Variants in TTC28 observed in about 807,000 individuals in gnomAD.
TTC28 encodes tetratricopeptide repeat protein 28.
A neutral mutation model predicts 198.0 loss-of-function variants in TTC28; 61 were observed. That is an observed-to-expected ratio of 0.31 (90% CI 0.25 to 0.38). The LOEUF (loss-of-function observed/expected upper bound fraction) is 0.38, where lower values mean the gene tolerates loss of function less well. TTC28 is among the 10% of genes least tolerant of loss of function. The probability of loss-of-function intolerance (pLI) is 1.00; values close to 1 mark genes in which losing one functional copy is unlikely to be tolerated. For missense variants in TTC28, 2,678 were observed against 3,164.0 expected (o/e 0.85, Z 3.69); for synonymous variants, 1,171 against 1,297.8 (o/e 0.90, Z 2.10).
At chr22:28,058,895 T>A (rs574903503) in intron 12 of TTC28, among the ~76,000 whole-genome samples, 1 of 152,208 alleles carries the variant, frequency 6.6e-6, no homozygotes, top group South Asian at 2.1e-4. Flanking sequence ...TAGAAAGTTG[T>A]TCATAGTATT....
intron 2 of TTC28, among the ~76,000 whole-genome samples, chr22:28,322,723 T>C (rs889707261): frequency 6.6e-6 from 1 of 152,222 alleles, no homozygotes; most frequent in Non-Finnish European, 1.5e-5. Flanking sequence ...ATCACAAAGT[T>C]AGTAGCTTAA....
chr22:28,165,048 T>C lies in TTC28; in HGVS notation c.934-1449A>G, dbSNP rs571429329. On this transcript the variant is annotated intron_variant, in intron 5 of 22. Coordinates refer to ENST00000397906, the MANE Select transcript of TTC28 (RefSeq NM_001145418.2). ...TGATGAATGCACAAGCCTCAGTAGC[T>C]GATGCGATCAACTGGAAGAAAGGGT... is the stretch of plus-strand genomic sequence containing the variant. Among the ~76,000 whole-genome samples, 33 of 152,238 alleles carry C rather than the reference T, an allele frequency of 2.2e-4. 1 individual carries two copies. In the East Asian group the frequency reaches 2.3e-3, roughly 11 times the overall value.
At chr22:28,235,754 C>T (rs947661156) in intron 5 of TTC28, among the ~76,000 whole-genome samples, 2 of 152,186 alleles carry the variant, frequency 1.3e-5, no homozygotes, top group African/African-American at 4.8e-5. Flanking sequence ...AAATTAGATC[C>T]ATACCTCCTA....
intron 2 of TTC28, among the ~76,000 whole-genome samples, chr22:28,402,536 T>A (rs2046932066): frequency 6.6e-6 from 1 of 152,238 alleles, no homozygotes; most frequent in Non-Finnish European, 1.5e-5. Context: ...TACCTTAAAA[T>A]TTTTAGGCCC....
At chr22:28,284,232 A>G (rs1440903191) in intron 5 of TTC28, among the ~76,000 whole-genome samples, 3 of 152,196 alleles carry the variant, frequency 2.0e-5, no homozygotes, top group African/African-American at 7.2e-5. Flanking sequence ...GGATGAGATT[A>G]TTAAAATAAA....
rs536194343 is a variant in TTC28 at position 28,622,642 on chromosome 22, G to A, written c.381+6910C>T. 2.6e-5 allele frequency among the ~76,000 whole-genome samples: 4 copies of A among 152,064 alleles called. No individual in the cohort carries two copies. In the South Asian group the frequency reaches 8.3e-4, roughly 32 times the overall value. ...GCATTAAAAATAAATGAAGAAAAAAGTCCAATTTTGGCAGAAATTGACAAG... is the reference window on the plus strand; with the variant it reads ...GCATTAAAAATAAATGAAGAAAAAAATCCAATTTTGGCAGAAATTGACAAG... On this transcript the variant is annotated intron_variant, in intron 2 of 22. Coordinates refer to ENST00000397906, the MANE Select transcript of TTC28 (RefSeq NM_001145418.2).
intron 5 of TTC28, among the ~76,000 whole-genome samples, chr22:28,177,632 A>G (rs1158145073): frequency 6.6e-6 from 1 of 152,250 alleles, no homozygotes; most frequent in African/African-American, 2.4e-5. Context: ...GAATGGAGAA[A>G]TAAACTGTGG....
At chr22:28,570,784 A>G (rs1448944825) in intron 2 of TTC28, among the ~76,000 whole-genome samples, 1 of 152,230 alleles carries the variant, frequency 6.6e-6, no homozygotes, top group Admixed American at 6.5e-5. Flanking sequence ...CAGTAAAAGC[A>G]TATGGAAGGT....
chr22:28,002,600 T>C (rs1937751585), intron 14 of TTC28: 1 of 151,642 alleles, frequency 6.6e-6, no homozygotes, highest in Non-Finnish European at 1.5e-5. Context: ...TGTAAACCCA[T>C]ATGGTTTTTT....
chr22:28,345,778 G>A (rs2045894628), intron 2 of TTC28, among the ~76,000 whole-genome samples: 1 of 152,110 alleles, frequency 6.6e-6, no homozygotes, highest in African/African-American at 2.4e-5. Flanking sequence ...TGAAATTACA[G>A]GGCTTGAAGG....
At chr22:28,018,817 G>A (rs1000561577) in intron 13 of TTC28, among the ~76,000 whole-genome samples, 13 of 152,178 alleles carry the variant, frequency 8.5e-5, no homozygotes, top group Non-Finnish European at 1.3e-4. Context: ...TGTCAAGCTG[G>A]GACTCAGAGG....
chr22:28,230,410 A>G (rs1490120807), intron 5 of TTC28, among the ~76,000 whole-genome samples: 2 of 152,220 alleles, frequency 1.3e-5, no homozygotes, highest in African/African-American at 4.8e-5. Context: ...AGAGATCCAG[A>G]TGAGACTTGT....
At chr22:28,409,000 G>A (rs1467888087) in intron 2 of TTC28, among the ~76,000 whole-genome samples, 1 of 152,210 alleles carries the variant, frequency 6.6e-6, no homozygotes, top group South Asian at 2.1e-4. Context: ...GCAGCATAGA[G>A]GAATCAGTTC....
chr22:28,076,158 T>G (rs575872829), intron 12 of TTC28, among the ~76,000 whole-genome samples: 4 of 152,224 alleles, frequency 2.6e-5, no homozygotes, highest in Non-Finnish European at 5.9e-5. Flanking sequence ...ACACTTGTCT[T>G]GCAAAGTAAA....
At chr22:28,631,027 G>A (rs2051164879) in intron 1 of TTC28, among the ~76,000 whole-genome samples, 1 of 152,160 alleles carries the variant, frequency 6.6e-6, no homozygotes. Flanking sequence ...GCTGAAGCAG[G>A]AGGATCACTT....
chr22:28,400,882 A>G (rs1249344856), intron 2 of TTC28, among the ~76,000 whole-genome samples: 1 of 152,206 alleles, frequency 6.6e-6, no homozygotes, highest in Non-Finnish European at 1.5e-5. Context: ...AAGAAATCCA[A>G]CAAGAGTCCA....
At chr22:28,152,458 G>A (rs1250652732) in intron 6 of TTC28, among the ~76,000 whole-genome samples, 2 of 152,168 alleles carry the variant, frequency 1.3e-5, no homozygotes, top group Non-Finnish European at 2.9e-5. Flanking sequence ...GGAAAGATCT[G>A]TGGACTTGGA....
At chr22:28,481,599 A>C (rs911009093) in intron 2 of TTC28, among the ~76,000 whole-genome samples, 7 of 152,242 alleles carry the variant, frequency 4.6e-5, no homozygotes, top group African/African-American at 1.7e-4. Flanking sequence ...AAGCCCAACA[A>C]AGTTACAGAA....
chr22:28,286,797 T>G (rs1174710807), intron 5 of TTC28, among the ~76,000 whole-genome samples: 1 of 151,834 alleles, frequency 6.6e-6, no homozygotes, highest in African/African-American at 2.4e-5. Flanking sequence ...ATAGTGAGGA[T>G]GCACACACAC....
Sources: allele counts gnomAD v4.1 joint callset (sites outside exome capture counted in the v4.1 genomes callset), GRCh38; gene constraint gnomAD v4.1.1; transcripts MANE v1.5; gene names NCBI Gene and HGNC (gene_info 2026-07-23, HGNC 2026-07-21).